The following ANKRD44 variants were observed in gnomAD, a reference collection of about 807,000 sequenced individuals.
ANKRD44 encodes the protein serine/threonine-protein phosphatase 6 regulatory ankyrin repeat subunit B.
In ANKRD44, 35 loss-of-function variants were observed where a neutral mutation model predicts 116.0. The ratio of observed to expected loss-of-function variants is 0.30; its 90% CI spans 0.23 to 0.40. ANKRD44 has a LOEUF of 0.40. Among genes scored for constraint, ANKRD44 ranks in the 10% least tolerant of loss-of-function variants. ANKRD44 has a pLI of 1.00. For missense variants in ANKRD44, 1,014 were observed against 1,242.6 expected, an observed-to-expected ratio of 0.82 and a Z score of 2.77; for synonymous variants, 435 against 461.8, an observed-to-expected ratio of 0.94 and a Z score of 0.74.
At chr2:197,010,223 C>A (rs1396061286) in intron 18 of ANKRD44, among the ~76,000 whole-genome samples, 3 of 152,142 alleles carry the variant, frequency 2.0e-5, no homozygotes, top group Non-Finnish European at 4.4e-5. Context: ...TGGGTGGTGG[C>A]AGAAAACAAA....
chr2:197,295,367 C>G (rs2083688018), intron 1 of ANKRD44, among the ~76,000 whole-genome samples: 2 of 152,230 alleles, frequency 1.3e-5, no homozygotes, highest in African/African-American at 2.4e-5. Flanking sequence ...CTACTCAACT[C>G]TGCTGTTGTA....
In ANKRD44 at chr2:197,039,930, T is replaced by C. The variant is rs140540153; in HGVS notation, c.1651-14663A>G. 1.6e-3 allele frequency among the ~76,000 whole-genome samples: 241 copies of C among 152,230 alleles called. 1 individual carries two copies. The highest frequency in any genetic ancestry group is 5.2e-3 in the African/African-American group (218 of 41,536). ...ATTTCATGTCCTTTCAAAAGCATCA[T>C]TTAACAGGCCCACCCAGGCCAGGCG... is the stretch of plus-strand genomic sequence containing the variant. On this transcript the variant is annotated intron_variant, in intron 16 of 27. Coordinates refer to ENST00000282272, the MANE Select transcript of ANKRD44 (RefSeq NM_001195144.2).
Position 197,289,521 on chromosome 2 carries a change from T to C in ANKRD44, c.27+21057A>G, listed in dbSNP as rs116098449. On this transcript the variant is annotated intron_variant, in intron 1 of 27. Transcript: ENST00000282272. ...TGAAAAATTATGGTATAGCCAGACATTGGAACACTATTTAGCAATAAGAAA... is the reference window on the plus strand; with the variant it reads ...TGAAAAATTATGGTATAGCCAGACACTGGAACACTATTTAGCAATAAGAAA... Among the ~76,000 whole-genome samples, 747 of 152,308 alleles carry C rather than the reference T, an allele frequency of 4.9e-3. 3 individuals are homozygous for C. The highest frequency in any genetic ancestry group is 0.017 in the African/African-American group (706 of 41,558).
At chr2:197,007,756 C>T (rs1209579843) in intron 20 of ANKRD44, 50 bp downstream of exon 20, 1 of 1,202,060 alleles carries the variant, frequency 8.3e-7, no homozygotes, top group Admixed American at 1.9e-5. Flanking sequence ...AAAAAGAAAA[C>T]AAGCTCATTA....
At chr2:197,211,654 A>T (rs771821208) in intron 1 of ANKRD44, among the ~76,000 whole-genome samples, 2 of 152,114 alleles carry the variant, frequency 1.3e-5, no homozygotes, top group South Asian at 4.1e-4. Context: ...TACATTTCTC[A>T]GGGGTACCAC....
At chr2:197,273,406 T>C (rs778255523) in intron 1 of ANKRD44, among the ~76,000 whole-genome samples, 2 of 152,190 alleles carry the variant, frequency 1.3e-5, no homozygotes, top group Non-Finnish European at 2.9e-5. Flanking sequence ...CTGGGAAATA[T>C]CCATTTTCAC....
At chr2:197,043,319 C>T (rs915656625) in intron 16 of ANKRD44, among the ~76,000 whole-genome samples, 6 of 152,106 alleles carry the variant, frequency 3.9e-5, no homozygotes, top group African/African-American at 1.4e-4. Context: ...AAGTTCCTTT[C>T]TTATTGTTCC....
At chr2:197,272,090 C>A (rs1364610587) in intron 1 of ANKRD44, among the ~76,000 whole-genome samples, 2 of 152,104 alleles carry the variant, frequency 1.3e-5, no homozygotes, top group Non-Finnish European at 2.9e-5. Flanking sequence ...CATGTGAGAT[C>A]GAGATCACAA....
At chr2:196,976,575 T>G (rs190897396) in intron 21 of ANKRD44, among the ~76,000 whole-genome samples, 2 of 152,260 alleles carry the variant, frequency 1.3e-5, no homozygotes, top group East Asian at 3.9e-4. Context: ...TAGAAAATTT[T>G]AAGGAATCCA....
chr2:197,100,418 G>A (rs2078264812), intron 9 of ANKRD44, among the ~76,000 whole-genome samples: 1 of 152,140 alleles, frequency 6.6e-6, no homozygotes. Context: ...CTGGGCGACA[G>A]AGCGAGACTC....
At chr2:197,198,708 G>T (rs1344127096) in intron 1 of ANKRD44, among the ~76,000 whole-genome samples, 1 of 152,148 alleles carries the variant, frequency 6.6e-6, no homozygotes, top group Non-Finnish European at 1.5e-5. Flanking sequence ...CAGGTGAATC[G>T]CTTGAGCCCG....
At chr2:197,095,815 GC>G (rs1452369360) in intron 10 of ANKRD44, among the ~76,000 whole-genome samples, 1 of 152,192 alleles carries the variant, frequency 6.6e-6, no homozygotes, top group East Asian at 1.9e-4. Context: ...TCAGAGCAGT[GC>G]CCAGAGGGAA....
At chr2:197,149,004 T>C (rs2079573557) in intron 2 of ANKRD44, among the ~76,000 whole-genome samples, 1 of 152,238 alleles carries the variant, frequency 6.6e-6, no homozygotes, top group Non-Finnish European at 1.5e-5. Context: ...ATGAACTATA[T>C]AAGCTGAGAA....
Position 197,089,988 on chromosome 2 carries a change from T to A in ANKRD44, c.1145A>T (p.Asn382Ile). ...CTTTCTGCAGCAGTCAGAGTGAGCA[T>A]TTAGGGCAGCTAAATGTAAAGGGAA... ...SMFPLHLAAL[N>I]AHSDCCRKLL... Residue 382 changes from asparagine (N) to isoleucine (I), a missense_variant, in exon 11 of 28, where the codon AAT (asparagine) becomes ATT (isoleucine). Transcript: ENST00000282272. The A allele has an allele frequency of 6.2e-7, 1 of 1,614,062 alleles. No individual in the cohort carries two copies. Among genetic ancestry groups the A allele is most frequent in the Non-Finnish European group, 8.5e-7 (1 of 1,179,950 alleles).
chr2:197,160,014 A>T (rs545246526), intron 2 of ANKRD44, among the ~76,000 whole-genome samples: 1 of 152,118 alleles, frequency 6.6e-6, no homozygotes, highest in East Asian at 1.9e-4. Context: ...TTCTTATCTA[A>T]TCTTTCTTAT....
At chr2:197,104,464 G>T (rs2078378426) in intron 9 of ANKRD44, among the ~76,000 whole-genome samples, 1 of 152,120 alleles carries the variant, frequency 6.6e-6, no homozygotes, top group South Asian at 2.1e-4. Flanking sequence ...AAAGTATGGA[G>T]ACCCTTGATA....
chr2:197,104,101 T>G (rs1031574750), intron 9 of ANKRD44, among the ~76,000 whole-genome samples: 2 of 152,122 alleles, frequency 1.3e-5, no homozygotes, highest in Non-Finnish European at 2.9e-5. Context: ...GTCTTTACAT[T>G]TCAGATGATT....
At chr2:197,117,540 T>C (rs1299488961) in intron 8 of ANKRD44, among the ~76,000 whole-genome samples, 1 of 152,130 alleles carries the variant, frequency 6.6e-6, no homozygotes, top group Non-Finnish European at 1.5e-5. Context: ...GCCTGGCCAA[T>C]TTTTGTATCT....
chr2:197,065,053 G>A (rs1370485303), intron 16 of ANKRD44, among the ~76,000 whole-genome samples: 1 of 152,302 alleles, frequency 6.6e-6, no homozygotes, highest in East Asian at 1.9e-4. Context: ...ATAGTTGGAA[G>A]TAAAGCACTC....
Sources: allele counts gnomAD v4.1 joint callset (sites outside exome capture counted in the v4.1 genomes callset), GRCh38; gene constraint gnomAD v4.1.1; transcripts MANE v1.5; gene names NCBI Gene and HGNC (gene_info 2026-07-23, HGNC 2026-07-21).